TENM3: variants seen among roughly 807,000 people sequenced by gnomAD.
The protein encoded by TENM3 is teneurin transmembrane protein 3.
In TENM3, 63 loss-of-function variants were observed where a neutral mutation model predicts 255.1. That is an observed-to-expected ratio of 0.25 (90% CI 0.20 to 0.30). TENM3 has a LOEUF of 0.30. TENM3 is among the 10% of genes least tolerant of loss of function. TENM3 has a pLI of 1.00. For synonymous variants in TENM3, 1,306 were observed against 1,322.3 expected (o/e 0.99, Z 0.27); for missense variants, 2,929 against 3,461.1 (o/e 0.85, Z 3.86).
chr4:181,765,928 G>A, the TENM3 span, among the ~76,000 whole-genome samples: 74 of 152,212 alleles, frequency 4.9e-4, no homozygotes, highest in Non-Finnish European at 9.1e-4. Flanking sequence ...AAAGTGTTAA[G>A]TTATGTGGAT....
chr4:182,023,712 G>A, the TENM3 span, among the ~76,000 whole-genome samples: 1 of 152,102 alleles, frequency 6.6e-6, no homozygotes. Flanking sequence ...TTCCTGCCAG[G>A]GGAGTATTTT....
At chr4:182,099,867 T>G in the TENM3 span, among the ~76,000 whole-genome samples, 5,628 of 152,008 alleles carry the variant, frequency 0.037, 354 homozygotes, top group African/African-American at 0.13. Flanking sequence ...AGTTATGAGG[T>G]AAAGAGGGAA....
At chr4:182,785,753 A>C (rs895619166) in intron 24 of TENM3, among the ~76,000 whole-genome samples, 2 of 148,228 alleles carry the variant, frequency 1.3e-5, no homozygotes, top group African/African-American at 5.1e-5. Flanking sequence ...GCCTGGAATA[A>C]TGCTGGTACT....
At chr4:182,303,582 C>T (rs970170923) in intron 1 of TENM3, among the ~76,000 whole-genome samples, 2 of 152,092 alleles carry the variant, frequency 1.3e-5, no homozygotes, top group African/African-American at 4.8e-5. Flanking sequence ...TTACATCATG[C>T]GCATCTGGTT....
At chr4:182,326,149 C>T (rs1308058304) in intron 2 of TENM3, among the ~76,000 whole-genome samples, 1 of 152,190 alleles carries the variant, frequency 6.6e-6, no homozygotes, top group Admixed American at 6.5e-5. Flanking sequence ...AATGGAGAAG[C>T]GCTCGCGCAG....
At chr4:181,690,899 A>C in the TENM3 span, among the ~76,000 whole-genome samples, 1 of 151,628 alleles carries the variant, frequency 6.6e-6, no homozygotes, top group Non-Finnish European at 1.5e-5. Flanking sequence ...TAACAGAACC[A>C]TATAGACCTT....
the TENM3 span, among the ~76,000 whole-genome samples, chr4:181,612,248 G>A: frequency 6.6e-6 from 1 of 152,112 alleles, no homozygotes; most frequent in South Asian, 2.1e-4. Flanking sequence ...GGTTAGCATA[G>A]GTCATGGAAC....
In TENM3 at chr4:182,755,113, C is replaced by G. The variant is rs114002088; in HGVS notation, c.4746C>G (p.Asn1582Lys). The G allele has an allele frequency of 6.2e-7, 1 of 1,613,914 alleles. No homozygotes were observed. Among genetic ancestry groups the G allele is most frequent in the Non-Finnish European group, 8.5e-7 (1 of 1,179,890 alleles). The change falls in exon 22 of 28, where the codon AAC becomes AAG. Residue 1582 changes from asparagine (N) to lysine (K), a missense_variant. Physicochemically the swap from Asn to Lys is moderately conservative, Grantham distance 94. Transcript: ENST00000511685. ...RMPVRVVSPD[N>K]QVIWLTIGTN... ...CAGTTCGAGTGGTGTCTCCTGATAA[C>G]CAAGTGATATGGTTGACAATAGGAA...
At chr4:181,917,435 A>C in the TENM3 span, among the ~76,000 whole-genome samples, 4 of 152,108 alleles carry the variant, frequency 2.6e-5, no homozygotes, top group Non-Finnish European at 5.9e-5. Flanking sequence ...CCAAGTAGGC[A>C]TTCAGTGAAA....
At chr4:182,108,472 C>A in the TENM3 span, among the ~76,000 whole-genome samples, 7 of 152,138 alleles carry the variant, frequency 4.6e-5, no homozygotes, top group African/African-American at 1.7e-4. Context: ...TATAATGAAT[C>A]CAAACAAGTT....
the TENM3 span, among the ~76,000 whole-genome samples, chr4:181,505,110 C>A: frequency 2.0e-4 from 31 of 152,276 alleles, no homozygotes; most frequent in Non-Finnish European, 7.3e-5. Flanking sequence ...CTCGAGACAC[C>A]AATTTGCTCT....
At chr4:182,633,281 T>A (rs1399540882) in intron 5 of TENM3, among the ~76,000 whole-genome samples, 2 of 152,146 alleles carry the variant, frequency 1.3e-5, no homozygotes, top group East Asian at 3.8e-4. Flanking sequence ...ACTTAATGGT[T>A]TTTCAGTAAC....
the TENM3 span, among the ~76,000 whole-genome samples, chr4:181,513,262 A>C: frequency 1.3e-5 from 2 of 152,330 alleles, no homozygotes; most frequent in South Asian, 2.1e-4. Flanking sequence ...TAATTACAAA[A>C]AAAAAATCAA....
chr4:181,578,894 G>A, the TENM3 span, among the ~76,000 whole-genome samples: 1 of 152,170 alleles, frequency 6.6e-6, no homozygotes, highest in African/African-American at 2.4e-5. Context: ...GGTACTAGGG[G>A]CTAGAATTTC....
chr4:181,711,362 C>T, the TENM3 span, among the ~76,000 whole-genome samples: 2 of 152,152 alleles, frequency 1.3e-5, no homozygotes, highest in South Asian at 4.1e-4. Context: ...CCTAGAAAGC[C>T]TGACTCTGAA....
intron 13 of TENM3, among the ~76,000 whole-genome samples, chr4:182,716,829 G>A (rs1261881292): frequency 6.6e-6 from 1 of 152,138 alleles, no homozygotes; most frequent in Non-Finnish European, 1.5e-5. Context: ...TAGTGTTATA[G>A]ATCCATTGTC....
At chr4:182,228,668 G>A (rs568321377) in intron 1 of TENM3, among the ~76,000 whole-genome samples, 2 of 152,138 alleles carry the variant, frequency 1.3e-5, no homozygotes, top group East Asian at 3.9e-4. Flanking sequence ...CATCAAGAAA[G>A]TTCGTTAAGA....
At chr4:182,304,097 G>A (rs1359444548) in intron 1 of TENM3, among the ~76,000 whole-genome samples, 1 of 151,506 alleles carries the variant, frequency 6.6e-6, no homozygotes, top group Admixed American at 6.6e-5. Context: ...AATAGACTAT[G>A]AAGACTATAG....
chr4:181,854,028 T>C, the TENM3 span, among the ~76,000 whole-genome samples: 1 of 152,292 alleles, frequency 6.6e-6, no homozygotes, highest in East Asian at 1.9e-4. Flanking sequence ...ACACAACCAG[T>C]TGGTTCTTAA....
Sources: allele counts gnomAD v4.1 joint callset (sites outside exome capture counted in the v4.1 genomes callset), GRCh38; gene constraint gnomAD v4.1.1; transcripts MANE v1.5; gene names NCBI Gene and HGNC (gene_info 2026-07-23, HGNC 2026-07-21).